Variants in AMOTL2 observed in about 807,000 individuals in gnomAD.
The protein encoded by AMOTL2 is angiomotin like 2, also known as angiomotin-like protein 2.
In AMOTL2, 33 loss-of-function variants were observed where a neutral mutation model predicts 78.4. The ratio of observed to expected loss-of-function variants is 0.42; its 90% CI spans 0.32 to 0.56. The LOEUF is 0.56. Ranked by LOEUF, AMOTL2 falls within the 20% of genes least tolerant of loss-of-function variation. The pLI is 0.12. For missense variants in AMOTL2, 983 were observed against 1,030.1 expected, an observed-to-expected ratio of 0.95 and a Z score of 0.63; for synonymous variants, 422 against 428.8, an observed-to-expected ratio of 0.98 and a Z score of 0.20.
At chr3:134,366,700 C>A in intron 3 of AMOTL2, 1 of 354,558 alleles carries the variant, frequency 2.8e-6, no homozygotes, top group Non-Finnish European at 5.1e-6. Context: ...TAGCTGCCTG[C>A]GGGGTGACTA....
chr3:134,360,069 C>A lies in AMOTL2; in HGVS notation c.1883+37G>T, dbSNP rs371137555. On this transcript the variant is annotated intron_variant, in intron 7 of 9. Coordinates refer to ENST00000249883, the MANE Select transcript of AMOTL2 (RefSeq NM_016201.4). ...GCAGTGACTGGACATTGCCACCCAC[C>A]CCCCCAACCTCAGGTGCCTGGCCTG... 29 of 1,577,878 alleles carry A rather than the reference C, an allele frequency of 1.8e-5. No individual in the cohort carries two copies. The African/African-American group carries it at 2.7e-4, about 15-fold the overall frequency.
intron 3 of AMOTL2, chr3:134,366,628 G>A (rs1034578988): frequency 3.7e-6 from 2 of 540,544 alleles, no homozygotes; most frequent in East Asian, 6.5e-5. Flanking sequence ...AGCAAGCAAC[G>A]GTCCCATCGG....
In AMOTL2 at chr3:134,361,811, T is replaced by C; in HGVS notation, c.1280-4A>G. 6.5e-7 allele frequency: 1 copy of C among 1,534,864 alleles called. No individual in the cohort carries two copies. Among genetic ancestry groups the C allele is most frequent in the Non-Finnish European group, 8.8e-7 (1 of 1,135,038 alleles). On this transcript the variant is annotated splice_region_variant and splice_polypyrimidine_tract_variant and intron_variant, in intron 5 of 9. Transcript: ENST00000249883. ...TGCTCCTGCTGCTGTTCGTAGCCTG[T>C]AGGGAGAAAGAGGCTTGATCAGTGA...
At chr3:134,374,507 G>A (rs2018014887), upstream of AMOTL2, 2 of 985,494 alleles carry the variant, frequency 2.0e-6, no homozygotes, top group Non-Finnish European at 2.4e-6. Flanking sequence ...CGGCTGCTAT[G>A]CCAGGAATGT....
Position 134,365,809 on chromosome 3 carries a change from C to CT in AMOTL2, c.1279+7dup. The CT allele has an allele frequency of 6.2e-7, 1 of 1,613,614 alleles. No individual in the cohort carries two copies. The highest frequency in any genetic ancestry group is 2.2e-5 in the East Asian group (1 of 44,874). ...CAGGCCAGGCTTCTTAGTGGGGCCCCTACTCACTCTGAGCAAGCAGCTTGG... is the reference window on the plus strand; with the variant it reads ...CAGGCCAGGCTTCTTAGTGGGGCCCCTTACTCACTCTGAGCAAGCAGCTTGG... On this transcript the variant is annotated splice_region_variant and intron_variant, in intron 5 of 9. Transcript: ENST00000249883.
rs1246119091 is a variant in AMOTL2, at chr3:134,371,357, G to C, written c.77C>G (p.Thr26Ser). 6.2e-7 allele frequency: 1 copy of C among 1,610,754 alleles called. No homozygotes were observed. The highest frequency in any genetic ancestry group is 1.7e-5 in the Admixed American group (1 of 60,030). Residue 26 changes from threonine (T) to serine (S), a missense_variant, in exon 2 of 10, where the codon ACT (threonine) becomes AGT (serine). Transcript: ENST00000249883. ...IQEQLRYGNLTETRTLLAIQQ... is the reference protein window; with the variant it reads ...IQEQLRYGNLSETRTLLAIQQ... ...GATGGCTAGCAGCGTGCGCGTCTCAGTCAGGTTGCCGTAGCGCAGCTGCTC... is the reference window on the plus strand; with the variant it reads ...GATGGCTAGCAGCGTGCGCGTCTCACTCAGGTTGCCGTAGCGCAGCTGCTC...
upstream of AMOTL2, chr3:134,374,672 C>G (rs1246788943): frequency 1.9e-5 from 19 of 982,732 alleles, no homozygotes; most frequent in Non-Finnish European, 2.2e-5. Context: ...GGCCCGGCCC[C>G]CGAGCTCCGT....
chr3:134,375,057 G>A (rs1576592602), upstream of AMOTL2: 4 of 1,459,844 alleles, frequency 2.7e-6, no homozygotes, highest in East Asian at 2.5e-5. Context: ...CCTAACCCCC[G>A]CTGTTTTCAC....
chr3:134,370,747 T>C lies in AMOTL2; in HGVS notation c.687A>G (p.Pro229=). Residue 229 remains proline, a synonymous_variant, in exon 2 of 10, where the codon CCA becomes CCG. Coordinates refer to ENST00000249883, the MANE Select transcript of AMOTL2 (RefSeq NM_016201.4). ...GCGGGCTGCCGCGGGCACGGTACCG[T>C]GGGTCAGTGACAGCAGTGGTGGTCT... ...AHETTTAVTD[P]RYRARGSPHF... is the part of the protein sequence containing the mutation. 1 of 1,514,828 alleles carries C rather than the reference T, an allele frequency of 6.6e-7. No homozygotes were observed. Among genetic ancestry groups the C allele is most frequent in the Non-Finnish European group, 8.8e-7 (1 of 1,131,510 alleles). 93.8% of individuals were successfully genotyped at this position (1,514,828 alleles called of 1,614,324 possible).
At chr3:134,361,066 C>T (rs566682670) in intron 6 of AMOTL2, among the ~76,000 whole-genome samples, 40 of 152,002 alleles carry the variant, frequency 2.6e-4, no homozygotes, top group African/African-American at 5.3e-4. Flanking sequence ...CTCAGCTACT[C>T]GGGAGGCTGA....
In AMOTL2 at chr3:134,370,910, G is replaced by A; in HGVS notation, c.524C>T (p.Pro175Leu). ...LSLERNGARA[P>L]SHMSSSHSFP... ...GCTGTGGGAGGAGCTCATGTGGCTG[G>A]GGGCCCGGGCGCCGTTCCTCTCCAG... Residue 175 changes from proline (P) to leucine (L), a missense_variant, in exon 2 of 10, where the codon CCC (proline) becomes CTC (leucine). Coordinates refer to ENST00000249883, the MANE Select transcript of AMOTL2 (RefSeq NM_016201.4). 1 of 1,612,328 alleles carries A rather than the reference G, an allele frequency of 6.2e-7. No homozygotes were observed. Among genetic ancestry groups the A allele is most frequent in the Non-Finnish European group, 8.5e-7 (1 of 1,179,438 alleles).
At chr3:134,359,662 T>C (rs551257508) in intron 7 of AMOTL2, among the ~76,000 whole-genome samples, 159 bp from the exon 8 acceptor site, 16 of 152,190 alleles carry the variant, frequency 1.1e-4, no homozygotes, top group African/African-American at 3.6e-4. Flanking sequence ...AGAGAGGGCT[T>C]AGAAATGGCA....
At chr3:134,371,971 A>G (rs1576589276) in intron 1 of AMOTL2, 1 of 168,560 alleles carries the variant, frequency 5.9e-6, no homozygotes, top group South Asian at 1.5e-4. Context: ...CCACTTAGCT[A>G]TTCAGTCTAG....
intron 5 of AMOTL2, 68 bp downstream of exon 5, chr3:134,365,749 T>C: frequency 1.4e-6 from 2 of 1,437,830 alleles, no homozygotes; most frequent in East Asian, 4.6e-5. Flanking sequence ...ATCTTCCTAG[T>C]CCAGAGGGTG....
rs577328441 is a variant in AMOTL2 at position 134,366,636 on chromosome 3, C to T, written c.1042-209G>A. ...TGGGACCAGCAAGCAACGGTCCCAT[C>T]GGCTGCCCCAAGGACCAGATGCTGA... On this transcript the variant is annotated intron_variant, in intron 3 of 9. Coordinates refer to ENST00000249883, the MANE Select transcript of AMOTL2 (RefSeq NM_016201.4). 2.1e-5 allele frequency: 11 copies of T among 520,418 alleles called. No individual in the cohort carries two copies. The South Asian group carries it at 2.5e-4, about 12-fold the overall frequency. The allele number at this position is 520,418 out of a possible 1,614,324, so 32.2% of individuals were successfully genotyped here.
rs545800849 is a variant in AMOTL2, at chr3:134,361,754, G to A, written c.1333C>T (p.Arg445Cys). 16 of 1,588,042 alleles carry A rather than the reference G, an allele frequency of 1.0e-5. No homozygotes were observed. Among genetic ancestry groups the A allele is most frequent in the South Asian group, 2.3e-5 (2 of 88,742 alleles). Reference sequence around the variant, plus strand: ...CGCCGCTGGTCCTCGATGGCGCCGCGCAGCAGTGCCATCTCTCGCTCCAGC... The same window carrying A: ...CGCCGCTGGTCCTCGATGGCGCCGCACAGCAGTGCCATCTCTCGCTCCAGC... ...EKLEREMALL[R>C]GAIEDQRRRA... is the part of the protein sequence containing the mutation. Residue 445 changes from arginine (R) to cysteine (C), a missense_variant, in exon 6 of 10, where the codon CGC becomes TGC. Transcript: ENST00000249883.
At chr3:134,374,477 G>T (rs2018013741), upstream of AMOTL2, 1 of 985,514 alleles carries the variant, frequency 1.0e-6, no homozygotes, top group African/African-American at 1.7e-5. Flanking sequence ...CGCAGCCCCA[G>T]GGTCGGCCCG....
chr3:134,373,339 G>T (rs940804336), intron 1 of AMOTL2, among the ~76,000 whole-genome samples: 1 of 151,970 alleles, frequency 6.6e-6, no homozygotes, highest in Admixed American at 6.6e-5. Context: ...GAAGGAATGC[G>T]GAGCCTTCCT....
At position 134,355,396 on chromosome 3, in the gene AMOTL2, C is replaced by T. The variant is rs1378781980; in HGVS notation, c.*2309G>A. On this transcript the variant is annotated 3_prime_UTR_variant, in exon 10 of 10. Coordinates refer to ENST00000249883, the MANE Select transcript of AMOTL2 (RefSeq NM_016201.4). ...AATTGGAGCAATATGCTTTCCTGAG[C>T]ATCAGGAAAGAGTGGTGATGTCACA... 6.6e-6 allele frequency among the ~76,000 whole-genome samples: 1 copy of T among 152,188 alleles called. No individual in the cohort carries two copies. Among genetic ancestry groups the T allele is most frequent in the Non-Finnish European group, 1.5e-5 (1 of 68,032 alleles).
Sources: gnomAD v4.1 joint callset for allele counts (sites outside exome capture counted in the v4.1 genomes callset) on GRCh38, gnomAD v4.1.1 for gene constraint, MANE v1.5 for transcripts, NCBI Gene and HGNC (gene_info 2026-07-23, HGNC 2026-07-21) for gene names.